The following SON variants were observed in gnomAD, a reference collection of about 807,000 sequenced individuals.
SON encodes the protein protein SON.
In SON, 4 loss-of-function variants were observed where a neutral mutation model predicts 173.3. The observed-to-expected ratio is 0.02, with a 90% confidence interval of 0.01 to 0.05. The LOEUF (loss-of-function observed/expected upper bound fraction) is 0.05, where lower values mean the gene tolerates loss of function less well. Among genes scored for constraint, SON ranks in the 10% least tolerant of loss-of-function variants. The probability of loss-of-function intolerance (pLI) is 1.00; values close to 1 mark genes in which losing one functional copy is unlikely to be tolerated. For synonymous variants in SON, 1,190 were observed against 1,105.9 expected, an observed-to-expected ratio of 1.08 and a Z score of -1.51; for missense variants, 2,626 against 3,055.3, an observed-to-expected ratio of 0.86 and a Z score of 3.31.
chr21:33,559,424 C>A lies in SON; in HGVS notation c.6468+48C>A. On this transcript the variant is annotated intron_variant, in intron 5 of 11. Transcript: ENST00000356577. The surrounding 1 kb of genome is among the most constrained non-coding windows in gnomAD (Gnocchi z 4.1). Reference sequence around the variant, plus strand: ...TGGTAAAACAGTGTAACTTGTGGAACTATTTAAATAAAACCCAAATCGAAT... The same window carrying A: ...TGGTAAAACAGTGTAACTTGTGGAAATATTTAAATAAAACCCAAATCGAAT... 1 of 1,544,210 alleles carries A rather than the reference C, an allele frequency of 6.5e-7. No individual in the cohort carries two copies. Among genetic ancestry groups the A allele is most frequent in the Non-Finnish European group, 8.7e-7 (1 of 1,146,122 alleles).
rs139414885 is a variant in SON, at chr21:33,554,577, T to C, written c.5346T>C (p.Ser1782=). 6.2e-7 allele frequency: 1 copy of C among 1,613,980 alleles called. No individual in the cohort carries two copies. Among genetic ancestry groups the C allele is most frequent in the Non-Finnish European group, 8.5e-7 (1 of 1,180,022 alleles). ...GTATGCCAGAAAGAGCTTCAGAGTC[T>C]TCTTCAGAGGAAAAAGATGATTATG... ...VSSMPERASE[S]SSEEKDDYEI... is the part of the protein sequence containing the mutation. The change falls in exon 3 of 12, where the codon TCT becomes TCC. Residue 1782 remains serine (S), a synonymous_variant. Coordinates refer to ENST00000356577, the MANE Select transcript of SON (RefSeq NM_138927.4).
chr21:33,553,789 A>G lies in SON; in HGVS notation c.4558A>G (p.Lys1520Glu), dbSNP rs755798629. 5.6e-6 allele frequency: 9 copies of G among 1,614,090 alleles called. No homozygotes were observed. Among genetic ancestry groups the G allele is most frequent in the Non-Finnish European group, 7.6e-6 (9 of 1,179,992 alleles). Reference protein sequence around the residue: ...GEEPHAEEHLKGDFYESEHGI... With the variant: ...GEEPHAEEHLEGDFYESEHGI... ...AGAACCACATGCTGAGGAACACCTG[A>G]AAGGTGACTTTTACGAAAGTGAACA... The change falls in exon 3 of 12, where the codon AAA becomes GAA. Residue 1520 changes from lysine to glutamate, a missense_variant. Around this residue, in one of 13 missense-constraint regions of SON, gnomAD observed 1,006 missense variants for 895.6 expected, o/e 1.12. Coordinates refer to ENST00000356577, the MANE Select transcript of SON (RefSeq NM_138927.4).
Position 33,552,201 on chromosome 21 carries a change from C to G in SON, c.2970C>G (p.Pro990=). 1 of 1,614,144 alleles carries G rather than the reference C, an allele frequency of 6.2e-7. No homozygotes were observed. The highest frequency in any genetic ancestry group is 2.2e-5 in the East Asian group (1 of 44,884). ...APRPYRLAPR[P]LMLASRRSMM... is the part of the protein sequence containing the mutation. ...GGCCATATAGGTTAGCACCTAGACC[C>G]CTGATGTTAGCATCTAGACGTTCTA... is the stretch of plus-strand genomic sequence containing the variant. Residue 990 remains proline, a synonymous_variant, in exon 3 of 12, where the codon CCC becomes CCG. Transcript: ENST00000356577. This position sits in a 1 kb window ranked among gnomAD's most constrained non-coding sequence, Gnocchi z 5.6.
intron 6 of SON, chr21:33,560,182 A>G: frequency 6.4e-7 from 1 of 1,568,590 alleles, no homozygotes; most frequent in Non-Finnish European, 8.6e-7. Flanking sequence ...CCTCAGGTTC[A>G]ACACAAGAAC....
Position 33,559,939 on chromosome 21 carries a change from G to A in SON, c.6657+164G>A. On this transcript the variant is annotated intron_variant, in intron 6 of 11. Transcript: ENST00000356577. This position sits in a 1 kb window ranked among gnomAD's most constrained non-coding sequence, Gnocchi z 4.1. ...TGAAACAACCCGCAGCTTCTCATTT[G>A]ACAGTAACTCGATGCAATTCACTTT... The A allele has an allele frequency of 6.2e-7, 1 of 1,613,468 alleles. No homozygotes were observed. The highest frequency in any genetic ancestry group is 1.6e-4 in the Middle Eastern group (1 of 6,062).
intron 1 of SON, among the ~76,000 whole-genome samples, chr21:33,544,324 G>A (rs920072629): frequency 6.6e-6 from 1 of 152,202 alleles, no homozygotes; most frequent in Non-Finnish European, 1.5e-5. Flanking sequence ...ATTGCTAGTA[G>A]TGTTTTGGAT....
chr21:33,543,105 A>G lies in SON; in HGVS notation c.13A>G (p.Ile5Val), dbSNP rs767474762. 4.3e-6 allele frequency: 7 copies of G among 1,614,268 alleles called. No individual in the cohort carries two copies. The highest frequency in any genetic ancestry group is 5.9e-6 in the Non-Finnish European group (7 of 1,180,034). The change falls in exon 1 of 12, where the codon ATC (isoleucine) becomes GTC (valine). Residue 5 changes from isoleucine to valine, a missense_variant. Physicochemically the swap from Ile to Val is conservative, Grantham distance 29. This residue lies in a region of SON where 757 missense variants were observed against 730.1 expected (regional missense o/e 1.04). Transcript: ENST00000356577. ...CGGAGCGGACGCCATGGCGACCAAC[A>G]TCGAGCAGATTTTTAGGTCTTTCGT... MATN[I>V]EQIFRSFVVS...
rs1353241935 is a variant in SON, at chr21:33,546,306, A to G, written c.171A>G (p.Pro57=). ...GDAAASARSL[P]NEEIVQKIEE... ...CAGCTGCCTCTGCCAGGAGTCTACC[A>G]AATGAAGAAATAGTGCAGAAGATAG... is the stretch of plus-strand genomic sequence containing the variant. Residue 57 remains proline, a synonymous_variant, in exon 2 of 12, where the codon CCA becomes CCG. Transcript: ENST00000356577. The G allele has an allele frequency of 4.3e-6, 7 of 1,613,726 alleles. No homozygotes were observed. The South Asian group carries it at 6.6e-5, about 15-fold the overall frequency.
chr21:33,555,902 GTTAT>G (rs1347317555), intron 3 of SON, among the ~76,000 whole-genome samples: 1 of 152,152 alleles, frequency 6.6e-6, no homozygotes, highest in Non-Finnish European at 1.5e-5. Context: ...GCGTGTGGGG[GTTAT>G]TTAATTGGGT....
chr21:33,550,058 T>C lies in SON; in HGVS notation c.827T>C (p.Leu276Pro), dbSNP rs773158677. The change falls in exon 3 of 12, where the codon CTG becomes CCG. Residue 276 changes from leucine (L) to proline (P), a missense_variant. Leu to Pro is a moderately conservative substitution (Grantham distance 98, BLOSUM62 -3). Around this residue, in one of 13 missense-constraint regions of SON, gnomAD observed 757 missense variants for 730.1 expected, o/e 1.04. Coordinates refer to ENST00000356577, the MANE Select transcript of SON (RefSeq NM_138927.4). ...MSVEYQMKSV[L>P]KSVESTSPEP... The stretch of plus-strand genomic sequence containing the variant: ...GTGGAGTATCAGATGAAGTCTGTGC[T>C]GAAATCTGTGGAGAGCACATCTCCA... 6.2e-7 allele frequency: 1 copy of C among 1,614,166 alleles called. No homozygotes were observed. The highest frequency in any genetic ancestry group is 1.7e-5 in the Admixed American group (1 of 60,030).
At chr21:33,566,728 A>T (rs571615679) in intron 6 of SON, among the ~76,000 whole-genome samples, 1 of 152,264 alleles carries the variant, frequency 6.6e-6, no homozygotes, top group East Asian at 1.9e-4. Flanking sequence ...AATTTTGCTT[A>T]CTGCTCTTGA....
At chr21:33,558,188 T>C (rs2086004668) in intron 4 of SON, 1 of 152,744 alleles carries the variant, frequency 6.5e-6, no homozygotes, top group South Asian at 2.0e-4. Flanking sequence ...ATAATAGATG[T>C]CATTAAATCT....
chr21:33,549,317 C>G (rs1203498181), intron 2 of SON, among the ~76,000 whole-genome samples, 159 bp from the exon 3 acceptor site: 1 of 152,176 alleles, frequency 6.6e-6, no homozygotes, highest in Non-Finnish European at 1.5e-5. Context: ...TCATGATCCA[C>G]CTGCCTTGGC....
rs755961084 is a variant in SON, at chr21:33,553,466, C to T, written c.4235C>T (p.Ala1412Val). The T allele has an allele frequency of 1.4e-5, 23 of 1,614,054 alleles. No homozygotes were observed. The highest frequency in any genetic ancestry group is 1.3e-4 in the East Asian group (6 of 44,902). The change falls in exon 3 of 12, where the codon GCG (alanine) becomes GTG (valine). Residue 1412 changes from alanine (A) to valine (V), a missense_variant. By Grantham distance (64) the Ala-to-Val change is moderately conservative. Around this residue, in one of 13 missense-constraint regions of SON, gnomAD observed 1,006 missense variants for 895.6 expected, o/e 1.12. Coordinates refer to ENST00000356577, the MANE Select transcript of SON (RefSeq NM_138927.4). ...YVTIPVPVVS[A>V]LEPSVPVLEP... ...ACCATTCCTGTGCCAGTTGTTTCTG[C>T]GCTGGAGCCTTCTGTGCCTGTTCTG...
Position 33,576,487 on chromosome 21 carries a change from G to GC in SON, c.*64dup. ...TAATAAGAAGCATGCTAAAGCCACA[G>GC]CAGCTACTGTGGTTCTTCAAGCAAT... is the stretch of plus-strand genomic sequence containing the variant. On this transcript the variant is annotated 3_prime_UTR_variant, in exon 12 of 12. Transcript: ENST00000356577. 9.8e-7 allele frequency: 1 copy of GC among 1,023,380 alleles called. No homozygotes were observed. The highest frequency in any genetic ancestry group is 1.6e-5 in the African/African-American group (1 of 63,794). 63.4% of individuals were successfully genotyped at this position (1,023,380 alleles called of 1,614,324 possible). A position where few individuals can be genotyped will look rare whatever the true frequency, so the allele number is the denominator to read the frequency against.
In SON at chr21:33,552,140, A is replaced by G; in HGVS notation, c.2909A>G (p.Tyr970Cys). The G allele has an allele frequency of 6.2e-7, 1 of 1,614,084 alleles. No homozygotes were observed. The highest frequency in any genetic ancestry group is 1.6e-4 in the Middle Eastern group (1 of 6,062). ...PDPYRMSPRP[Y>C]RIAPRSYRIA... ...CCCTATAGGATGTCACCTAGACCCTACAGGATAGCACCCAGGTCCTATAGA... is the reference window on the plus strand; with the variant it reads ...CCCTATAGGATGTCACCTAGACCCTGCAGGATAGCACCCAGGTCCTATAGA... The change falls in exon 3 of 12, where the codon TAC becomes TGC. Residue 970 changes from tyrosine (Y) to cysteine (C), a missense_variant. Physicochemically the swap from Tyr to Cys is radical, Grantham distance 194. Coordinates refer to ENST00000356577, the MANE Select transcript of SON (RefSeq NM_138927.4). The surrounding 1 kb of genome is among the most constrained non-coding windows in gnomAD (Gnocchi z 5.6).
intron 1 of SON, among the ~76,000 whole-genome samples, chr21:33,544,311 G>T (rs2085555880): frequency 6.6e-6 from 1 of 152,154 alleles, no homozygotes; most frequent in African/African-American, 2.4e-5. Flanking sequence ...AAATTTTTGT[G>T]ATATTGCTAG....
intron 3 of SON, 124 bp from the exon 4 acceptor site, chr21:33,557,032 G>A (rs1321883489): frequency 1.6e-6 from 1 of 628,912 alleles, no homozygotes; most frequent in Non-Finnish European, 2.3e-6. Flanking sequence ...TTTCTTTTTT[G>A]TTAGATACCC....
In SON at chr21:33,543,047, G is replaced by A; in HGVS notation, c.-46G>A. On this transcript the variant is annotated 5_prime_UTR_variant, in exon 1 of 12. Transcript: ENST00000356577. ...CGCCTCCTCCCGAGGCATGCTGGGAGCCTGGAGGACTAGCGAGGAGGAGTT... is the reference window on the plus strand; with the variant it reads ...CGCCTCCTCCCGAGGCATGCTGGGAACCTGGAGGACTAGCGAGGAGGAGTT... The A allele has an allele frequency of 6.3e-7, 1 of 1,580,760 alleles. No individual in the cohort carries two copies. The highest frequency in any genetic ancestry group is 8.7e-7 in the Non-Finnish European group (1 of 1,149,426).
Sources: gnomAD v4.1 joint callset for allele counts (sites outside exome capture counted in the v4.1 genomes callset) on GRCh38, gnomAD v4.1.1 for gene constraint, gnomAD v4.1.1 regional missense constraint, Gnocchi (gnomAD v3.1) non-coding constraint, MANE v1.5 for transcripts, NCBI Gene and HGNC (gene_info 2026-07-23, HGNC 2026-07-21) for gene names.